TFEB: variants seen among roughly 807,000 people sequenced by gnomAD.
TFEB encodes transcription factor EB, also known as T-cell transcription factor EB.
In TFEB, 12 loss-of-function variants were observed where a neutral mutation model predicts 48.0. The ratio of observed to expected loss-of-function variants is 0.25; its 90% CI spans 0.16 to 0.40. The LOEUF (loss-of-function observed/expected upper bound fraction) is 0.40. TFEB is among the 10% of genes least tolerant of loss of function. The probability of loss-of-function intolerance (pLI) is 1.00; values close to 1 mark genes in which losing one functional copy is unlikely to be tolerated. For synonymous variants in TFEB, 244 were observed against 261.4 expected (o/e 0.93, Z 0.64); for missense variants, 509 against 640.3 (o/e 0.79, Z 2.21).
intron 1 of TFEB, among the ~76,000 whole-genome samples, chr6:41,693,939 C>T (rs1413414439): frequency 6.7e-6 from 1 of 148,740 alleles, no homozygotes; most frequent in Non-Finnish European, 1.5e-5. Context: ...GCTCTGACCC[C>T]AGCCCAACCC....
chr6:41,697,408 C>CAA lies in TFEB; in HGVS notation c.-22-6175_-22-6174dup, dbSNP rs56059829. Among the ~76,000 whole-genome samples, 99 of 63,500 alleles carry CAA rather than the reference C, an allele frequency of 1.6e-3. 5 individuals carry two copies. In the East Asian group the frequency reaches 0.045, roughly 29 times the overall value. 41.7% of individuals were successfully genotyped at this position (63,500 alleles called of 152,430 possible). A position where few individuals can be genotyped will look rare whatever the true frequency, so the allele number is the denominator to read the frequency against. On this transcript the variant is annotated intron_variant, in intron 1 of 8. Coordinates refer to ENST00000373033, the MANE Select transcript of TFEB (RefSeq NM_001271944.2). ...GGGCAACAAGAGTGAAACTCCATCT[C>CAA]AAAAAAAAAAAAAAAAAAAGAATGA...
chr6:41,725,498 G>A (rs2127270682), intron 1 of TFEB, among the ~76,000 whole-genome samples: 1 of 152,300 alleles, frequency 6.6e-6, no homozygotes, highest in Admixed American at 6.5e-5. Flanking sequence ...GTACCCTCTG[G>A]GAAGAGGCTT....
Position 41,687,797 on chromosome 6 carries a change from C to A in TFEB, c.683G>T (p.Arg228Met). Residue 228 changes from arginine to methionine, a missense_variant, in exon 6 of 9, where the codon AGG becomes ATG. Physicochemically the swap from Arg to Met is moderately conservative, Grantham distance 91. This residue lies in a region of TFEB where 251 missense variants were observed against 317.2 expected (regional missense o/e 0.79). Transcript: ENST00000373033. ...QKRELTDAES[R>M]ALAKERQKKD... Reference sequence around the variant, plus strand: ...CTTCTGCCGCTCCTTGGCCAGGGCCCTGCTCTCAGCATCTGGAGGCCAAAA... The same window carrying A: ...CTTCTGCCGCTCCTTGGCCAGGGCCATGCTCTCAGCATCTGGAGGCCAAAA... The A allele has an allele frequency of 6.2e-7, 1 of 1,613,966 alleles. No homozygotes were observed. Among genetic ancestry groups the A allele is most frequent in the African/African-American group, 1.3e-5 (1 of 75,058 alleles).
At chr6:41,714,737 G>A (rs1770659311) in intron 1 of TFEB, among the ~76,000 whole-genome samples, 1 of 152,162 alleles carries the variant, frequency 6.6e-6, no homozygotes, top group Non-Finnish European at 1.5e-5. Flanking sequence ...CTCTACCCTT[G>A]AGTGGCGGCC....
chr6:41,683,991 G>GT lies in TFEB; in HGVS notation c.*607dup, dbSNP rs1287356166. On this transcript the variant is annotated 3_prime_UTR_variant, in exon 9 of 9. Coordinates refer to ENST00000373033, the MANE Select transcript of TFEB (RefSeq NM_001271944.2). ...AGGACCAGCAAGTACAAAGCACAGTGTTTACTAAAGGCACAAAGTGAGGGG... is the reference window on the plus strand; with the variant it reads ...AGGACCAGCAAGTACAAAGCACAGTGTTTTACTAAAGGCACAAAGTGAGGGG... 1 of 216,094 alleles carries GT rather than the reference G, an allele frequency of 4.6e-6. No individual in the cohort carries two copies. The highest frequency in any genetic ancestry group is 5.8e-5 in the Admixed American group (1 of 17,184). 13.4% of individuals were successfully genotyped at this position (216,094 alleles called of 1,614,324 possible).
chr6:41,695,768 G>T (rs2127452507), intron 1 of TFEB, among the ~76,000 whole-genome samples: 1 of 152,338 alleles, frequency 6.6e-6, no homozygotes, highest in South Asian at 2.1e-4. Context: ...GAAGCACTCA[G>T]CTCTTACAGT....
chr6:41,720,547 T>A lies in TFEB; in HGVS notation c.-23+14803A>T, dbSNP rs1157622370. 22 of 152,326 alleles carry A rather than the reference T, an allele frequency of 1.4e-4. No individual in the cohort carries two copies. The allele number at this position is 152,326 out of a possible 1,614,324, so 9.4% of individuals were successfully genotyped here. On this transcript the variant is annotated intron_variant, in intron 1 of 8. Transcript: ENST00000373033. The surrounding 1 kb of genome is among the most constrained non-coding windows in gnomAD (Gnocchi z 4.1). ...CATCACCACCCAGGAGGCTGGCCGCTCAGGAGACAGTGTGCCTCCTTTACA... is the reference window on the plus strand; with the variant it reads ...CATCACCACCCAGGAGGCTGGCCGCACAGGAGACAGTGTGCCTCCTTTACA...
At position 41,700,386 on chromosome 6, in the gene TFEB, A is replaced by C. The variant is rs375294479; in HGVS notation, c.-22-9151T>G. ...GAGGCTGAGGCAGGAGAATGGCGTG[A>C]ACCCGGGAGGCGGAGCTTGCAGTGA... On this transcript the variant is annotated intron_variant, in intron 1 of 8. Transcript: ENST00000373033. Among the ~76,000 whole-genome samples, 6 of 151,762 alleles carry C rather than the reference A, an allele frequency of 4.0e-5. No individual in the cohort carries two copies. In the East Asian group the frequency reaches 7.7e-4, roughly 20 times the overall value.
At chr6:41,713,700 C>G (rs1414839007) in intron 1 of TFEB, among the ~76,000 whole-genome samples, 3 of 152,144 alleles carry the variant, frequency 2.0e-5, no homozygotes, top group Non-Finnish European at 2.9e-5. Flanking sequence ...CAGGGAGGGC[C>G]CCTTTGCATG....
intron 1 of TFEB, among the ~76,000 whole-genome samples, chr6:41,712,888 C>G (rs1307006310): frequency 6.6e-6 from 1 of 152,174 alleles, no homozygotes; most frequent in Non-Finnish European, 1.5e-5. Context: ...CAAGCACCAC[C>G]CACTCCCCCA....
At chr6:41,685,748 G>C (rs116067252) in intron 8 of TFEB, among the ~76,000 whole-genome samples, 5,489 of 152,264 alleles carry the variant, frequency 0.036, 344 homozygotes, top group African/African-American at 0.12. Flanking sequence ...TGTAGAGTGT[G>C]CTTGCATTGG....
At chr6:41,733,893 A>G in intron 1 of TFEB, 1 of 985,492 alleles carries the variant, frequency 1.0e-6, no homozygotes, top group Admixed American at 6.1e-5. Context: ...CTCCAACCTC[A>G]TCCCCAGCTG....
intron 1 of TFEB, among the ~76,000 whole-genome samples, chr6:41,728,079 C>T (rs1443589697): frequency 6.6e-6 from 1 of 152,244 alleles, no homozygotes; most frequent in African/African-American, 2.4e-5. Context: ...AAGGAGAATG[C>T]TCTTCAGGGC....
intron 3 of TFEB, 110 bp from the exon 4 acceptor site, chr6:41,689,921 A>G (rs981237816): frequency 2.7e-6 from 2 of 748,792 alleles, no homozygotes; most frequent in African/African-American, 3.5e-5. Flanking sequence ...ACCTCACCCA[A>G]CCTACTTATC....
At chr6:41,689,582 A>G in intron 4 of TFEB, 149 bp downstream of exon 4, 1 of 624,696 alleles carries the variant, frequency 1.6e-6, no homozygotes, top group Non-Finnish European at 2.8e-6. Flanking sequence ...CCTTTGTCAC[A>G]TTATTTAATG....
In TFEB at chr6:41,691,497, A is replaced by G; in HGVS notation, c.-22-262T>C. On this transcript the variant is annotated intron_variant, in intron 1 of 8. Coordinates refer to ENST00000373033, the MANE Select transcript of TFEB (RefSeq NM_001271944.2). This position sits in a 1 kb window ranked among gnomAD's most constrained non-coding sequence, Gnocchi z 5.2. ...TGCAGTTGGTAAATCCCAAACTCTA[A>G]GAGTCAACTTCCACTCCTCTCTGTG... The G allele has an allele frequency of 1.5e-6, 1 of 667,390 alleles. No homozygotes were observed. The highest frequency in any genetic ancestry group is 1.7e-5 in the South Asian group (1 of 60,334). 41.3% of individuals were successfully genotyped at this position (667,390 alleles called of 1,614,324 possible).
Position 41,697,408 on chromosome 6 carries a change from C to CAAAAAAAAAAAAAAAAA in TFEB, c.-22-6190_-22-6174dup, listed in dbSNP as rs56059829. 5.8e-3 allele frequency among the ~76,000 whole-genome samples: 366 copies of CAAAAAAAAAAAAAAAAA among 63,318 alleles called. 3 individuals carry two copies. The highest frequency in any genetic ancestry group is 7.9e-3 in the African/African-American group (91 of 11,508). 41.5% of individuals were successfully genotyped at this position (63,318 alleles called of 152,430 possible). ...GGGCAACAAGAGTGAAACTCCATCT[C>CAAAAAAAAAAAAAAAAA]AAAAAAAAAAAAAAAAAAAGAATGA... is the stretch of plus-strand genomic sequence containing the variant. On this transcript the variant is annotated intron_variant, in intron 1 of 8. Coordinates refer to ENST00000373033, the MANE Select transcript of TFEB (RefSeq NM_001271944.2).
chr6:41,707,784 T>C (rs987260417), intron 1 of TFEB, among the ~76,000 whole-genome samples: 1 of 152,184 alleles, frequency 6.6e-6, no homozygotes, highest in Admixed American at 6.5e-5. Context: ...AAAATGTCCC[T>C]GAATTGTATC....
intron 1 of TFEB, among the ~76,000 whole-genome samples, chr6:41,702,033 C>T (rs1022601059): frequency 1.3e-5 from 2 of 152,076 alleles, no homozygotes; most frequent in Non-Finnish European, 2.9e-5. Flanking sequence ...CCAGGTCTCT[C>T]AGGTATGTGA....
Sources: gnomAD v4.1 joint callset for allele counts (sites outside exome capture counted in the v4.1 genomes callset) on GRCh38, gnomAD v4.1.1 for gene constraint, gnomAD v4.1.1 regional missense constraint, Gnocchi (gnomAD v3.1) non-coding constraint, MANE v1.5 for transcripts, NCBI Gene and HGNC (gene_info 2026-07-23, HGNC 2026-07-21) for gene names.